The following MDFIC variants were observed in gnomAD, a reference collection of about 807,000 sequenced individuals.
MDFIC encodes MyoD family inhibitor domain containing.
Under a neutral mutation model 23.2 loss-of-function variants are expected in MDFIC, and 17 were observed. The ratio of observed to expected loss-of-function variants is 0.73; its 90% CI spans 0.50 to 1.10. The LOEUF (loss-of-function observed/expected upper bound fraction) is 1.10, where lower values mean the gene tolerates loss of function less well. Ranked by LOEUF, MDFIC falls within the 50% of genes least tolerant of loss-of-function variation. MDFIC has a pLI of 0.00. For synonymous variants in MDFIC, 120 were observed against 115.2 expected (o/e 1.04, Z -0.27); for missense variants, 356 against 316.6 (o/e 1.12, Z -0.95).
At chr7:114,992,120 T>C (rs1240225996) in intron 4 of MDFIC, among the ~76,000 whole-genome samples, 1 of 152,206 alleles carries the variant, frequency 6.6e-6, no homozygotes, top group Non-Finnish European at 1.5e-5. Context: ...CAATTGTGAA[T>C]GGGAGTTCAC....
chr7:114,959,623 C>G (rs953830564), intron 3 of MDFIC, among the ~76,000 whole-genome samples: 6 of 152,020 alleles, frequency 3.9e-5, no homozygotes, highest in African/African-American at 7.3e-5. Flanking sequence ...TCCAGTTAGT[C>G]AGGCCTATTG....
chr7:114,953,907 G>A (rs1055346485), intron 3 of MDFIC, among the ~76,000 whole-genome samples: 1 of 152,068 alleles, frequency 6.6e-6, no homozygotes, highest in African/African-American at 2.4e-5. Flanking sequence ...TTTGCACATG[G>A]TCCAGAAGTT....
At position 115,018,171 on chromosome 7, in the gene MDFIC, A is replaced by G. The variant is rs1332161144; in HGVS notation, c.*2236A>G. 6.6e-6 allele frequency: 1 copy of G among 151,996 alleles called. No individual in the cohort carries two copies. The highest frequency in any genetic ancestry group is 1.5e-5 in the Non-Finnish European group (1 of 67,856). The allele number at this position is 151,996 out of a possible 1,614,324, so 9.4% of individuals were successfully genotyped here. ...TAAAATATAAGGAAATCTTTATACT[A>G]TTTTACAGTAACCACAATCTAAATA... is the stretch of plus-strand genomic sequence containing the variant. On this transcript the variant is annotated 3_prime_UTR_variant, in exon 5 of 5. Transcript: ENST00000393486.
At chr7:114,931,957 T>C (rs1420180317) in intron 2 of MDFIC, among the ~76,000 whole-genome samples, 1 of 152,180 alleles carries the variant, frequency 6.6e-6, no homozygotes, top group East Asian at 1.9e-4. Flanking sequence ...CCTCCTACTC[T>C]TTTTCAAGGT....
intron 2 of MDFIC, 85 bp from the exon 3 acceptor site, chr7:114,942,190 G>C: frequency 1.2e-6 from 1 of 828,212 alleles, no homozygotes; most frequent in Non-Finnish European, 1.7e-6. Context: ...GGCAGACTTG[G>C]AAGCATTTAG....
intron 3 of MDFIC, among the ~76,000 whole-genome samples, chr7:114,949,269 G>GT (rs1563139882): frequency 6.6e-6 from 1 of 152,176 alleles, no homozygotes; most frequent in African/African-American, 2.4e-5. Context: ...GCATTAAAGT[G>GT]TAAGTAGTGG....
intron 3 of MDFIC, among the ~76,000 whole-genome samples, chr7:114,965,070 C>T (rs904264200): frequency 4.6e-5 from 7 of 152,126 alleles, no homozygotes; most frequent in Non-Finnish European, 8.8e-5. Flanking sequence ...CACAAGGTTC[C>T]CAGCGGAACA....
At chr7:114,938,409 C>G (rs992135503) in intron 2 of MDFIC, among the ~76,000 whole-genome samples, 5 of 151,906 alleles carry the variant, frequency 3.3e-5, no homozygotes, top group Non-Finnish European at 7.4e-5. Flanking sequence ...TTTGATATAC[C>G]TAAGTTTTTT....
At position 114,942,399 on chromosome 7, in the gene MDFIC, T is replaced by G. The variant is rs914466283; in HGVS notation, c.217+2T>G. ...CTTCGGATGGTGAACTCATTAGAAG[T>G]AAGTATTTTTAGAAAAAACTTTGAG... On this transcript the variant is annotated splice_donor_variant, in intron 3 of 4. Coordinates refer to ENST00000393486, the MANE Select transcript of MDFIC (RefSeq NM_001166345.3). LOFTEE classifies it high-confidence loss of function. 21 of 1,560,034 alleles carry G rather than the reference T, an allele frequency of 1.3e-5. No individual in the cohort carries two copies. The highest frequency in any genetic ancestry group is 1.8e-5 in the Non-Finnish European group (21 of 1,157,774).
At chr7:114,979,430 TG>T (rs1793375693) in intron 3 of MDFIC, 75 bp from the exon 4 acceptor site, 1 of 1,413,548 alleles carries the variant, frequency 7.1e-7, no homozygotes, top group Admixed American at 2.6e-5. Flanking sequence ...TCTCTGTTAC[TG>T]AATGTATTTT....
intron 3 of MDFIC, among the ~76,000 whole-genome samples, chr7:114,962,805 C>A (rs776582496): frequency 4.6e-5 from 7 of 152,162 alleles, no homozygotes; most frequent in Non-Finnish European, 8.8e-5. Context: ...AAAATCTGAG[C>A]AGATTCATAA....
intron 4 of MDFIC, among the ~76,000 whole-genome samples, chr7:115,010,292 A>G (rs902425098): frequency 1.3e-5 from 2 of 152,100 alleles, no homozygotes. Flanking sequence ...TTCTTAGTTT[A>G]TTTTAACCTT....
intron 2 of MDFIC, among the ~76,000 whole-genome samples, chr7:114,931,680 C>T (rs1792310763): frequency 6.6e-6 from 1 of 152,164 alleles, no homozygotes. Flanking sequence ...TGCCAACTAA[C>T]TGGTATCATC....
intron 3 of MDFIC, among the ~76,000 whole-genome samples, chr7:114,949,437 G>T (rs1792716449): frequency 6.6e-6 from 1 of 152,168 alleles, no homozygotes; most frequent in South Asian, 2.1e-4. Flanking sequence ...GACCACAAAT[G>T]CTGTGGTCTA....
chr7:115,011,697 CAT>C (rs199565796), intron 4 of MDFIC, among the ~76,000 whole-genome samples: 2,235 of 152,304 alleles, frequency 0.015, 42 homozygotes, highest in African/African-American at 0.049. Context: ...ATCTTAATGA[CAT>C]GTGTCATTGT....
intron 4 of MDFIC, among the ~76,000 whole-genome samples, chr7:114,988,264 G>A (rs1191189837): frequency 3.9e-5 from 6 of 152,190 alleles, no homozygotes; most frequent in African/African-American, 1.4e-4. Flanking sequence ...GCTTTAGGGT[G>A]TGGGGTAGTT....
At chr7:114,954,302 G>T (rs750559074) in intron 3 of MDFIC, among the ~76,000 whole-genome samples, 1 of 152,002 alleles carries the variant, frequency 6.6e-6, no homozygotes, top group East Asian at 1.9e-4. Context: ...TATCTTATCC[G>T]CTTCTTGTCT....
chr7:114,937,617 G>A (rs1792452148), intron 2 of MDFIC, among the ~76,000 whole-genome samples: 1 of 152,220 alleles, frequency 6.6e-6, no homozygotes, highest in Non-Finnish European at 1.5e-5. Flanking sequence ...CAGCCTTTGA[G>A]CCAGAATTAT....
intron 3 of MDFIC, among the ~76,000 whole-genome samples, chr7:114,962,863 G>T (rs1270858374): frequency 6.6e-6 from 1 of 152,146 alleles, no homozygotes; most frequent in Non-Finnish European, 1.5e-5. Flanking sequence ...TTATTAAAGA[G>T]CATCAAATCA....
Sources: allele counts gnomAD v4.1 joint callset (sites outside exome capture counted in the v4.1 genomes callset), GRCh38; gene constraint gnomAD v4.1.1; transcripts MANE v1.5; gene names NCBI Gene and HGNC (gene_info 2026-07-23, HGNC 2026-07-21).